Variants in SLC9A9 observed in about 807,000 individuals in gnomAD.
SLC9A9 encodes the protein sodium/hydrogen exchanger 9.
Under a neutral mutation model 77.8 loss-of-function variants are expected in SLC9A9, and 62 were observed. The observed-to-expected ratio is 0.80, with a 90% confidence interval of 0.65 to 0.98. SLC9A9 has a LOEUF of 0.98. Among genes scored for constraint, SLC9A9 ranks in the 50% least tolerant of loss-of-function variants. SLC9A9 has a pLI of 0.00. For synonymous variants in SLC9A9, 320 were observed against 283.5 expected (o/e 1.13, Z -1.29); for missense variants, 775 against 774.9 (o/e 1.00, Z 0.00).
chr3:143,832,823 C>T (rs933570077), intron 1 of SLC9A9, among the ~76,000 whole-genome samples: 2 of 151,482 alleles, frequency 1.3e-5, no homozygotes, highest in Admixed American at 6.6e-5. Flanking sequence ...GAAGACAGAA[C>T]CTAGGTGTTG....
chr3:143,516,096 A>G (rs902462818), intron 9 of SLC9A9, among the ~76,000 whole-genome samples: 2 of 152,150 alleles, frequency 1.3e-5, no homozygotes, highest in African/African-American at 4.8e-5. Context: ...TCCTTCAGAT[A>G]GTTTAGTCAG....
intron 9 of SLC9A9, among the ~76,000 whole-genome samples, chr3:143,516,517 CATTTAATT>C (rs1384398469): frequency 6.6e-6 from 1 of 152,118 alleles, no homozygotes; most frequent in East Asian, 1.9e-4. Context: ...TTAAATGCTA[CATTTAATT>C]AGCTGCATCT....
At chr3:143,363,656 T>A in intron 13 of SLC9A9, 93 bp from the exon 14 acceptor site, 1 of 1,188,204 alleles carries the variant, frequency 8.4e-7, no homozygotes, top group African/African-American at 1.5e-5. Context: ...TTTAACTACA[T>A]TTAAAAAAAA....
intron 6 of SLC9A9, among the ~76,000 whole-genome samples, chr3:143,607,460 A>C (rs2037946534): frequency 6.6e-6 from 1 of 152,132 alleles, no homozygotes; most frequent in South Asian, 2.1e-4. Context: ...GTAGAACTAA[A>C]ACACTAGCAA....
chr3:143,691,368 C>A (rs1231334226), intron 5 of SLC9A9, among the ~76,000 whole-genome samples: 1 of 152,034 alleles, frequency 6.6e-6, no homozygotes, highest in Non-Finnish European at 1.5e-5. Flanking sequence ...CCGCTCCCAG[C>A]TGAGAAAGAT....
In SLC9A9 at chr3:143,694,332, C is replaced by T. The variant is rs1049622631; in HGVS notation, c.534-1025G>A. Among the ~76,000 whole-genome samples, 3 of 152,244 alleles carry T rather than the reference C, an allele frequency of 2.0e-5. No individual in the cohort carries two copies. The East Asian group carries it at 5.8e-4, about 29-fold the overall frequency. On this transcript the variant is annotated intron_variant, in intron 4 of 15. Transcript: ENST00000316549. Reference sequence around the variant, plus strand: ...ATTTAAATCCAGGCTCTACTATCTACTATCTATATGATTTTAAGTTATTAC... The same window carrying T: ...ATTTAAATCCAGGCTCTACTATCTATTATCTATATGATTTTAAGTTATTAC...
At chr3:143,498,366 C>A (rs1419801640) in intron 9 of SLC9A9, among the ~76,000 whole-genome samples, 1 of 152,042 alleles carries the variant, frequency 6.6e-6, no homozygotes, top group Non-Finnish European at 1.5e-5. Context: ...GCAGCCTGGC[C>A]AACATGGTGA....
chr3:143,498,747 T>C (rs1559941420), intron 9 of SLC9A9, among the ~76,000 whole-genome samples: 1 of 152,204 alleles, frequency 6.6e-6, no homozygotes, highest in Non-Finnish European at 1.5e-5. Context: ...ATGATTTAAC[T>C]ACTATTAGCA....
intron 8 of SLC9A9, among the ~76,000 whole-genome samples, chr3:143,565,931 G>A (rs1012538659): frequency 6.6e-6 from 1 of 152,090 alleles, no homozygotes; most frequent in Non-Finnish European, 1.5e-5. Flanking sequence ...TTTATTTACT[G>A]AGCTCCAGAA....
At chr3:143,334,055 C>T (rs2031855163) in intron 14 of SLC9A9, among the ~76,000 whole-genome samples, 1 of 152,180 alleles carries the variant, frequency 6.6e-6, no homozygotes, top group Admixed American at 6.5e-5. Flanking sequence ...GTACAAAGAG[C>T]ACTGCACTAG....
chr3:143,588,352 G>A (rs959256061), intron 6 of SLC9A9, among the ~76,000 whole-genome samples: 1 of 152,196 alleles, frequency 6.6e-6, no homozygotes, highest in African/African-American at 2.4e-5. Flanking sequence ...GGAAATGTCT[G>A]AGCACGCAGC....
intron 8 of SLC9A9, among the ~76,000 whole-genome samples, chr3:143,553,604 T>C (rs967250662): frequency 1.3e-5 from 2 of 152,236 alleles, no homozygotes; most frequent in Non-Finnish European, 2.9e-5. Flanking sequence ...ATGTAGACTA[T>C]ATGCTTCTAT....
intron 12 of SLC9A9, among the ~76,000 whole-genome samples, chr3:143,437,032 A>G (rs1181526380): frequency 6.6e-6 from 1 of 152,224 alleles, no homozygotes; most frequent in Non-Finnish European, 1.5e-5. Flanking sequence ...CTCTTATTGG[A>G]GTATTAACAT....
At chr3:143,839,712 G>A (rs1354350271) in intron 1 of SLC9A9, among the ~76,000 whole-genome samples, 1 of 152,106 alleles carries the variant, frequency 6.6e-6, no homozygotes, top group African/African-American at 2.4e-5. Context: ...AACTATCTCA[G>A]CCATCAGCTT....
intron 14 of SLC9A9, among the ~76,000 whole-genome samples, chr3:143,330,431 GA>G (rs2031735197): frequency 6.6e-6 from 1 of 152,166 alleles, no homozygotes; most frequent in Non-Finnish European, 1.5e-5. Context: ...CTGAATTGTG[GA>G]ATAAATGGTG....
At chr3:143,514,732 GA>G (rs1299809192) in intron 9 of SLC9A9, among the ~76,000 whole-genome samples, 1 of 152,186 alleles carries the variant, frequency 6.6e-6, no homozygotes, top group African/African-American at 2.4e-5. Flanking sequence ...AGCCTTCACA[GA>G]ATTGAAGGGA....
At chr3:143,809,649 AG>A (rs2008812415) in intron 2 of SLC9A9, among the ~76,000 whole-genome samples, 1 of 152,214 alleles carries the variant, frequency 6.6e-6, no homozygotes, top group South Asian at 2.1e-4. Flanking sequence ...AATCCAAGCG[AG>A]GGATGGGTGA....
chr3:143,574,915 G>A (rs913987566), intron 7 of SLC9A9, among the ~76,000 whole-genome samples: 2 of 152,166 alleles, frequency 1.3e-5, no homozygotes, highest in African/African-American at 2.4e-5. Context: ...GAAAGGGTTA[G>A]GTTGCAATTG....
At chr3:143,309,202 A>G (rs2030926622) in intron 14 of SLC9A9, among the ~76,000 whole-genome samples, 1 of 152,194 alleles carries the variant, frequency 6.6e-6, no homozygotes, top group Non-Finnish European at 1.5e-5. Flanking sequence ...ATTCAAAGGT[A>G]AACCCTCCTT....
Sources: gnomAD v4.1 joint callset for allele counts (sites outside exome capture counted in the v4.1 genomes callset) on GRCh38, gnomAD v4.1.1 for gene constraint, MANE v1.5 for transcripts, NCBI Gene and HGNC (gene_info 2026-07-23, HGNC 2026-07-21) for gene names.